The following CACNA1B variants were observed in gnomAD, a reference collection of about 807,000 sequenced individuals.
CACNA1B encodes the protein voltage-dependent N-type calcium channel subunit alpha-1B.
Under a neutral mutation model 247.2 loss-of-function variants are expected in CACNA1B, and 70 were observed. The observed-to-expected ratio is 0.28, with a 90% CI of 0.23 to 0.35. CACNA1B has a LOEUF of 0.35. Ranked by LOEUF, CACNA1B falls within the 10% of genes least tolerant of loss-of-function variation. The pLI is 1.00. For missense variants in CACNA1B, 2,367 were observed against 3,197.4 expected (o/e 0.74, Z 6.26); for synonymous variants, 1,231 against 1,294.4 (o/e 0.95, Z 1.05).
chr9:138,036,297 G>A (rs1224899559), intron 20 of CACNA1B, among the ~76,000 whole-genome samples: 5 of 152,052 alleles, frequency 3.3e-5, no homozygotes, highest in African/African-American at 9.7e-5. Flanking sequence ...CCGCCACCAC[G>A]CCTGGCTTAT....
chr9:137,893,779 C>T (rs1032030385), intron 3 of CACNA1B, among the ~76,000 whole-genome samples: 1 of 152,130 alleles, frequency 6.6e-6, no homozygotes. Flanking sequence ...ACCCAGTTCC[C>T]CCAAAGGAAA....
rs1589004520 is a variant in CACNA1B at position 137,917,511 on chromosome 9, G to C, written c.966+80G>C. On this transcript the variant is annotated intron_variant, in intron 6 of 46. Transcript: ENST00000371372. This position sits in a 1 kb window ranked among gnomAD's most constrained non-coding sequence, Gnocchi z 5.5. ...GTGCCTCTGGGGGTCCATTTAGGGGGGCCCTTCTGACCTCAGAGCCTCTGC... is the reference window on the plus strand; with the variant it reads ...GTGCCTCTGGGGGTCCATTTAGGGGCGCCCTTCTGACCTCAGAGCCTCTGC... 2 of 1,290,754 alleles carry C rather than the reference G, an allele frequency of 1.5e-6. No individual in the cohort carries two copies. Among genetic ancestry groups the C allele is most frequent in the South Asian group, 1.4e-5 (1 of 74,066 alleles). 80.0% of individuals were successfully genotyped at this position (1,290,754 alleles called of 1,614,324 possible). A position where few individuals can be genotyped will look rare whatever the true frequency, so the allele number is the denominator to read the frequency against.
chr9:138,000,029 A>AT lies in CACNA1B; in HGVS notation c.1975-6729dup, dbSNP rs532450693. Among the ~76,000 whole-genome samples, 1,088 of 151,688 alleles carry AT rather than the reference A, an allele frequency of 7.2e-3. 10 individuals are homozygous for AT. Among genetic ancestry groups the AT allele is most frequent in the African/African-American group, 0.025 (1,016 of 41,368 alleles). On this transcript the variant is annotated intron_variant, in intron 15 of 46. Transcript: ENST00000371372. ...GGAGTCGTAACTATAGGAAAATGAG[A>AT]TTTTTTTTTAATTCCAAAAGAATAC...
chr9:138,009,987 C>A (rs768232784), intron 16 of CACNA1B, 23 bp from the exon 17 acceptor site: 1 of 1,605,740 alleles, frequency 6.2e-7, no homozygotes, highest in Admixed American at 1.7e-5. Flanking sequence ...CAGAGGTTCC[C>A]TTCCTCAGCT....
rs551488585 is a variant in CACNA1B, at chr9:138,015,954, G to T, written c.2267+2719G>T. On this transcript the variant is annotated intron_variant, in intron 18 of 46. Transcript: ENST00000371372. ...CACACATACTCACAAATACATATAG[G>T]CAAGCACACACACAGGCACACAGAC... 2.5e-3 allele frequency among the ~76,000 whole-genome samples: 372 copies of T among 151,808 alleles called. 1 individual carries two copies. Among genetic ancestry groups the T allele is most frequent in the Non-Finnish European group, 4.3e-3 (295 of 67,916 alleles).
chr9:137,988,572 T>TA (rs1037670526), intron 15 of CACNA1B, among the ~76,000 whole-genome samples: 8 of 151,144 alleles, frequency 5.3e-5, no homozygotes, highest in Admixed American at 2.0e-4. Flanking sequence ...AGCAATAAGA[T>TA]AAAAAAAATA....
chr9:138,045,820 G>A (rs547264219), intron 21 of CACNA1B, among the ~76,000 whole-genome samples: 1 of 152,330 alleles, frequency 6.6e-6, no homozygotes, highest in South Asian at 2.1e-4. Context: ...CACAGGGGCA[G>A]GAGCTAGATG....
chr9:137,907,071 G>A (rs1957307707), intron 3 of CACNA1B, among the ~76,000 whole-genome samples: 1 of 152,204 alleles, frequency 6.6e-6, no homozygotes, highest in South Asian at 2.1e-4. Flanking sequence ...GTGGGTGTGT[G>A]GGCATTCCAC....
Position 137,971,307 on chromosome 9 carries a change from G to T in CACNA1B, c.1334-76G>T. 1 of 1,051,068 alleles carries T rather than the reference G, an allele frequency of 9.5e-7. No homozygotes were observed. Among genetic ancestry groups the T allele is most frequent in the East Asian group, 2.6e-5 (1 of 38,820 alleles). 65.1% of individuals were successfully genotyped at this position (1,051,068 alleles called of 1,614,324 possible). On this transcript the variant is annotated intron_variant, in intron 10 of 46. Transcript: ENST00000371372. The surrounding 1 kb of genome is among the most constrained non-coding windows in gnomAD (Gnocchi z 4.4). ...TGGGGGCAGGTGTCCTCCAGAGTGC[G>T]TCTGTGGGGGTCCACAGGTGGGGTA... is the stretch of plus-strand genomic sequence containing the variant.
chr9:138,111,489 G>A lies in CACNA1B; in HGVS notation c.5429-909G>A, dbSNP rs551362871. 6.6e-5 allele frequency among the ~76,000 whole-genome samples: 10 copies of A among 152,296 alleles called. No homozygotes were observed. In the South Asian group the frequency reaches 1.5e-3, roughly 22 times the overall value. On this transcript the variant is annotated intron_variant, in intron 39 of 46. Transcript: ENST00000371372. Reference sequence around the variant, plus strand: ...ACATCAGTGGTGGCAGAGGCTGCCAGTAGGACGAGGGGTCGACTCAAGGGA... The same window carrying A: ...ACATCAGTGGTGGCAGAGGCTGCCAATAGGACGAGGGGTCGACTCAAGGGA...
Position 138,010,220 on chromosome 9 carries a change from C to T in CACNA1B, c.2160+143C>T. 1 of 636,964 alleles carries T rather than the reference C, an allele frequency of 1.6e-6. No individual in the cohort carries two copies. The highest frequency in any genetic ancestry group is 1.9e-5 in the South Asian group (1 of 51,758). The allele number at this position is 636,964 out of a possible 1,614,324, so 39.5% of individuals were successfully genotyped here. Reference sequence around the variant, plus strand: ...GGCGGGCAGAGGCTGGTCTGTCACTCAGGGGCTGGAGGCTGGAGCTGAGGA... The same window carrying T: ...GGCGGGCAGAGGCTGGTCTGTCACTTAGGGGCTGGAGGCTGGAGCTGAGGA... On this transcript the variant is annotated intron_variant, in intron 17 of 46. Transcript: ENST00000371372. The surrounding 1 kb of genome is among the most constrained non-coding windows in gnomAD (Gnocchi z 5.3).
In CACNA1B at chr9:138,057,965, A is replaced by T; in HGVS notation, c.4107-84A>T. The T allele has an allele frequency of 6.4e-7, 1 of 1,565,694 alleles. No homozygotes were observed. The highest frequency in any genetic ancestry group is 1.7e-4 in the Middle Eastern group (1 of 5,812). ...TCCCTGGGCTCAGGCATGGAAGCAG[A>T]CCCACCCTTGTGGTGCAGGTCTTGA... On this transcript the variant is annotated intron_variant, in intron 27 of 46. Transcript: ENST00000371372. The surrounding 1 kb of genome is among the most constrained non-coding windows in gnomAD (Gnocchi z 4.0).
At chr9:137,910,896 A>G (rs1003983722) in intron 3 of CACNA1B, among the ~76,000 whole-genome samples, 1 of 152,140 alleles carries the variant, frequency 6.6e-6, no homozygotes, top group African/African-American at 2.4e-5. Flanking sequence ...ATGAAGTTCA[A>G]TCTAATCTAT....
chr9:138,019,820 C>T (rs1481328665), intron 18 of CACNA1B, among the ~76,000 whole-genome samples: 4 of 152,042 alleles, frequency 2.6e-5, no homozygotes, highest in Non-Finnish European at 5.9e-5. Flanking sequence ...AGATGGTGGC[C>T]GGGCGCGCTG....
rs199554142 is a variant in CACNA1B at position 137,886,609 on chromosome 9, C to T, written c.530+3726C>T. On this transcript the variant is annotated intron_variant, in intron 3 of 46. Transcript: ENST00000371372. ...TGGCCCATGTTCTGGGGACAAGACA[C>T]CTCCCGGGCCTGGTCTCTTTGCAGC... Among the ~76,000 whole-genome samples, 1,204 of 150,966 alleles carry T rather than the reference C, an allele frequency of 8.0e-3. 75 individuals carry two copies. In the East Asian group the frequency reaches 0.15, roughly 19 times the overall value.
chr9:138,032,435 G>A (rs975501125), intron 20 of CACNA1B, among the ~76,000 whole-genome samples: 1 of 152,164 alleles, frequency 6.6e-6, no homozygotes. Flanking sequence ...GAGAGGAAAA[G>A]TGTGTTGTAT....
chr9:138,002,171 A>G (rs1339606187), intron 15 of CACNA1B, among the ~76,000 whole-genome samples: 1 of 152,208 alleles, frequency 6.6e-6, no homozygotes, highest in East Asian at 1.9e-4. Context: ...TAAAAATGAA[A>G]TATCAAAAGA....
At chr9:138,024,894 G>A in intron 19 of CACNA1B, 61 bp from the exon 20 acceptor site, 4 of 1,224,422 alleles carry the variant, frequency 3.3e-6, no homozygotes, top group East Asian at 2.5e-5. Context: ...TCTGCCTCCC[G>A]GTGCCGGGAT....
chr9:137,883,182 G>C (rs1443604566), intron 3 of CACNA1B, among the ~76,000 whole-genome samples: 2 of 152,026 alleles, frequency 1.3e-5, no homozygotes, highest in Non-Finnish European at 2.9e-5. Context: ...GCTGGCCTGA[G>C]CCAGCATGGT....
Sources: allele counts gnomAD v4.1 joint callset (sites outside exome capture counted in the v4.1 genomes callset), GRCh38; gene constraint gnomAD v4.1.1; non-coding constraint Gnocchi (gnomAD v3.1); transcripts MANE v1.5; gene names NCBI Gene and HGNC (gene_info 2026-07-23, HGNC 2026-07-21).